The following PRKAG2 variants were observed in gnomAD, a reference collection of about 807,000 sequenced individuals.
The protein encoded by PRKAG2 is 5'-AMP-activated protein kinase subunit gamma-2.
Under a neutral mutation model 69.6 loss-of-function variants are expected in PRKAG2, and 26 were observed. The ratio of observed to expected loss-of-function variants is 0.37; its 90% CI spans 0.27 to 0.52. The LOEUF (loss-of-function observed/expected upper bound fraction) is 0.52. Among genes scored for constraint, PRKAG2 ranks in the 20% least tolerant of loss-of-function variants. The pLI is 0.90. For synonymous variants in PRKAG2, 293 were observed against 285.0 expected, an observed-to-expected ratio of 1.03 and a Z score of -0.28; for missense variants, 557 against 740.0, an observed-to-expected ratio of 0.75 and a Z score of 2.87.
intron 14 of PRKAG2, among the ~76,000 whole-genome samples, chr7:151,562,056 C>T (rs761876468): frequency 6.6e-5 from 10 of 151,504 alleles, no homozygotes; most frequent in Middle Eastern, 3.4e-3. Flanking sequence ...ACCAGCCTGA[C>T]CAACATGGTG....
chr7:151,860,854 C>G (rs902436059), intron 1 of PRKAG2, among the ~76,000 whole-genome samples: 2 of 152,182 alleles, frequency 1.3e-5, no homozygotes, highest in African/African-American at 2.4e-5. Context: ...CATGACCCTA[C>G]TGGGGTCACG....
chr7:151,870,201 A>G lies in PRKAG2; in HGVS notation c.114+6306T>C, dbSNP rs561518782. Among the ~76,000 whole-genome samples the G allele has an allele frequency of 2.3e-3, 339 of 150,290 alleles. 2 individuals are homozygous for G. The highest frequency in any genetic ancestry group is 3.5e-3 in the Middle Eastern group (1 of 288). ...GGCAGGCAGGCAGGCAGGCAGGCAG[A>G]CAGAGGAATAACTCATGGGGGCAGA... On this transcript the variant is annotated intron_variant, in intron 1 of 15. Transcript: ENST00000287878.
chr7:151,675,637 G>C lies in PRKAG2; in HGVS notation c.467C>G (p.Thr156Ser), dbSNP rs982598905. The change falls in exon 4 of 16, where the codon ACC (threonine) becomes AGC (serine). Residue 156 changes from threonine (T) to serine (S), a missense_variant and splice_region_variant. Physicochemically the swap from Thr to Ser is moderately conservative, Grantham distance 58. This residue lies in a region of PRKAG2 where 352 missense variants were observed against 356.7 expected (regional missense o/e 0.99). Coordinates refer to ENST00000287878, the MANE Select transcript of PRKAG2 (RefSeq NM_016203.4). ...GIRFFSRSRK[T>S]SGLSSSPSTP... is the part of the protein sequence containing the mutation. ...TGACGGAGAGGAGGAGAGGCCGGAG[G>C]CTGCAGAAGAAACACCAAGGACGGT... 7 of 1,612,212 alleles carry C rather than the reference G, an allele frequency of 4.3e-6. No homozygotes were observed. Among genetic ancestry groups the C allele is most frequent in the Non-Finnish European group, 5.9e-6 (7 of 1,178,360 alleles).
At chr7:151,700,391 G>A (rs746995756) in intron 3 of PRKAG2, among the ~76,000 whole-genome samples, 1 of 151,658 alleles carries the variant, frequency 6.6e-6, no homozygotes, top group African/African-American at 2.4e-5. Context: ...CCAGACCTAC[G>A]GAGCCTGAAT....
chr7:151,806,586 A>G (rs1161006416), intron 1 of PRKAG2: 1 of 174,066 alleles, frequency 5.7e-6, no homozygotes, highest in Non-Finnish European at 1.2e-5. Flanking sequence ...TGAAGAAATT[A>G]CTAATTAACA....
chr7:151,573,861 C>G (rs1200999424), intron 8 of PRKAG2, among the ~76,000 whole-genome samples: 6 of 152,190 alleles, frequency 3.9e-5, no homozygotes, highest in Non-Finnish European at 8.8e-5. Context: ...TCACTGCAAC[C>G]TCCGCCTCCT....
intron 3 of PRKAG2, among the ~76,000 whole-genome samples, chr7:151,728,829 C>G (rs1798432452): frequency 6.6e-6 from 1 of 152,106 alleles, no homozygotes; most frequent in African/African-American, 2.4e-5. Flanking sequence ...AGCGCCCAGC[C>G]CCGTCCACAG....
rs575335343 is a variant in PRKAG2, at chr7:151,826,690, C to T, written c.115-40149G>A. The stretch of plus-strand genomic sequence containing the variant: ...ATAAATGTTCTAAAGGGACATTAAA[C>T]AAATACTAGACGTGATACATCCTCA... On this transcript the variant is annotated intron_variant, in intron 1 of 15. Coordinates refer to ENST00000287878, the MANE Select transcript of PRKAG2 (RefSeq NM_016203.4). 9.5e-4 allele frequency among the ~76,000 whole-genome samples: 145 copies of T among 152,290 alleles called. No individual in the cohort carries two copies. In the South Asian group the frequency reaches 0.018, roughly 18 times the overall value.
intron 5 of PRKAG2, among the ~76,000 whole-genome samples, chr7:151,623,521 T>C (rs902869175): frequency 2.0e-5 from 3 of 152,152 alleles, no homozygotes; most frequent in Non-Finnish European, 4.4e-5. Flanking sequence ...CTCGCTCGCC[T>C]GCTGCTCACC....
At chr7:151,876,359 C>T in intron 1 of PRKAG2, 148 bp downstream of exon 1, 1 of 772,790 alleles carries the variant, frequency 1.3e-6, no homozygotes, top group East Asian at 2.6e-5. Flanking sequence ...CAGCTCGGGC[C>T]CTGTCCCTCT....
At position 151,709,924 on chromosome 7, in the gene PRKAG2, T is replaced by C. The variant is rs114675926; in HGVS notation, c.467-34287A>G. On this transcript the variant is annotated intron_variant, in intron 3 of 15. Coordinates refer to ENST00000287878, the MANE Select transcript of PRKAG2 (RefSeq NM_016203.4). ...ACAGTGACATGTGATATTGTGACACTGAGTGACGTGTGACACTGAGTGCCT... is the reference window on the plus strand; with the variant it reads ...ACAGTGACATGTGATATTGTGACACCGAGTGACGTGTGACACTGAGTGCCT... Among the ~76,000 whole-genome samples, 1,245 of 152,294 alleles carry C rather than the reference T, an allele frequency of 8.2e-3. 19 individuals are homozygous for C. The highest frequency in any genetic ancestry group is 0.028 in the African/African-American group (1,172 of 41,552).
chr7:151,760,390 T>C (rs988293565), intron 3 of PRKAG2, among the ~76,000 whole-genome samples: 2 of 152,140 alleles, frequency 1.3e-5, no homozygotes, highest in African/African-American at 4.8e-5. Flanking sequence ...GCACCCACCA[T>C]GCCCGGCTAA....
At chr7:151,684,903 G>C (rs1266317418) in intron 3 of PRKAG2, among the ~76,000 whole-genome samples, 1 of 152,128 alleles carries the variant, frequency 6.6e-6, no homozygotes, top group African/African-American at 2.4e-5. Context: ...TCATCACCTG[G>C]AGACGTAAGA....
At position 151,700,287 on chromosome 7, in the gene PRKAG2, C is replaced by T. The variant is rs991878586; in HGVS notation, c.467-24650G>A. Among the ~76,000 whole-genome samples the T allele has an allele frequency of 3.3e-5, 5 of 152,130 alleles. No individual in the cohort carries two copies. The East Asian group carries it at 9.6e-4, about 29-fold the overall frequency. ...ACACGACAGAGAAGAGCCCAGCCCT[C>T]GTGGAGCTCAGGTTTGTAGACTCTG... On this transcript the variant is annotated intron_variant, in intron 3 of 15. Coordinates refer to ENST00000287878, the MANE Select transcript of PRKAG2 (RefSeq NM_016203.4).
At chr7:151,770,717 T>C (rs2075981042) in intron 3 of PRKAG2, among the ~76,000 whole-genome samples, 1 of 152,178 alleles carries the variant, frequency 6.6e-6, no homozygotes, top group African/African-American at 2.4e-5. Flanking sequence ...GACCTACAAA[T>C]AGCACATGTA....
intron 1 of PRKAG2, among the ~76,000 whole-genome samples, chr7:151,794,530 C>T (rs369277195): frequency 6.6e-6 from 1 of 152,238 alleles, no homozygotes; most frequent in Non-Finnish European, 1.5e-5. Context: ...GGGCCGCTGG[C>T]CGAGGGCACA....
At position 151,568,128 on chromosome 7, in the gene PRKAG2, A is replaced by C. The variant is rs925389634; in HGVS notation, c.1233+588T>G. On this transcript the variant is annotated intron_variant, in intron 11 of 15. Coordinates refer to ENST00000287878, the MANE Select transcript of PRKAG2 (RefSeq NM_016203.4). Reference sequence around the variant, plus strand: ...TCCTGAGTCTCTTTTAATGTTTCCAACCAAACAGGCTCAAAGTTCTGGATG... The same window carrying C: ...TCCTGAGTCTCTTTTAATGTTTCCACCCAAACAGGCTCAAAGTTCTGGATG... Among the ~76,000 whole-genome samples the C allele has an allele frequency of 3.3e-5, 5 of 152,216 alleles. 1 individual carries two copies. The highest frequency in any genetic ancestry group is 2.0e-4 in the Admixed American group (3 of 15,282).
At position 151,596,565 on chromosome 7, in the gene PRKAG2, A is replaced by G. The variant is rs990738200; in HGVS notation, c.755-1111T>C. Among the ~76,000 whole-genome samples, 3 of 152,086 alleles carry G rather than the reference A, an allele frequency of 2.0e-5. No individual in the cohort carries two copies. In the East Asian group the frequency reaches 5.8e-4, roughly 29 times the overall value. On this transcript the variant is annotated intron_variant, in intron 5 of 15. Transcript: ENST00000287878. The stretch of plus-strand genomic sequence containing the variant: ...GGAGTTTGAGACCAGCCTGGCCAAT[A>G]TGGAGAAACCCCGTCTCTACTAAAA...
At chr7:151,619,715 T>C (rs535949110) in intron 5 of PRKAG2, among the ~76,000 whole-genome samples, 4 of 152,164 alleles carry the variant, frequency 2.6e-5, no homozygotes, top group Non-Finnish European at 4.4e-5. Context: ...TATTCCAAAA[T>C]CTGAAAAAAA....
Sources: allele counts gnomAD v4.1 joint callset (sites outside exome capture counted in the v4.1 genomes callset), GRCh38; gene constraint gnomAD v4.1.1; regional missense constraint gnomAD v4.1.1; transcripts MANE v1.5; gene names NCBI Gene and HGNC (gene_info 2026-07-23, HGNC 2026-07-21).